The following DNAJC1 variants were observed in gnomAD, a reference collection of about 807,000 sequenced individuals.
DNAJC1 encodes the protein DnaJ heat shock protein family (Hsp40) member C1.
DNAJC1 carries 58 observed loss-of-function variants against 76.6 expected under a neutral mutation model. The ratio of observed to expected loss-of-function variants is 0.76; its 90% CI spans 0.61 to 0.94. The LOEUF (loss-of-function observed/expected upper bound fraction) is 0.94. Ranked by LOEUF, DNAJC1 falls within the 40% of genes least tolerant of loss-of-function variation. The pLI, the probability that DNAJC1 is intolerant of heterozygous loss-of-function variation, is 0.00. For missense variants in DNAJC1, 689 were observed against 677.3 expected (o/e 1.02, Z -0.19); for synonymous variants, 258 against 267.9 (o/e 0.96, Z 0.36).
chr10:21,833,639 T>A (rs74893274), intron 8 of DNAJC1, among the ~76,000 whole-genome samples: 1 of 152,104 alleles, frequency 6.6e-6, no homozygotes, highest in South Asian at 2.1e-4. Context: ...ATCTACCAAA[T>A]GGAGTTGCTG....
chr10:21,959,083 G>C (rs1043002854), intron 1 of DNAJC1, among the ~76,000 whole-genome samples: 1 of 152,082 alleles, frequency 6.6e-6, no homozygotes, highest in African/African-American at 2.4e-5. Flanking sequence ...TATCCTGATA[G>C]TTTAACAGGA....
At chr10:21,768,559 A>G (rs1834329261) in intron 9 of DNAJC1, among the ~76,000 whole-genome samples, 4 of 152,224 alleles carry the variant, frequency 2.6e-5, no homozygotes, top group Admixed American at 2.0e-4. Context: ...AAGGCTCAGT[A>G]AATATTACCT....
intron 8 of DNAJC1, among the ~76,000 whole-genome samples, chr10:21,877,251 G>C (rs968739689): frequency 2.6e-5 from 4 of 151,528 alleles, no homozygotes; most frequent in Non-Finnish European, 5.9e-5. Context: ...TTCAGCCTGA[G>C]TGACAGAGTG....
chr10:21,780,304 A>G (rs1046714591), intron 9 of DNAJC1, among the ~76,000 whole-genome samples: 1 of 152,232 alleles, frequency 6.6e-6, no homozygotes. Context: ...CAGATTCACC[A>G]AAGTTGAAAT....
At chr10:21,834,539 A>G (rs1835418042) in intron 8 of DNAJC1, among the ~76,000 whole-genome samples, 1 of 152,240 alleles carries the variant, frequency 6.6e-6, no homozygotes, top group Non-Finnish European at 1.5e-5. Flanking sequence ...TCACCCTGGA[A>G]GCCCAAGGGG....
At chr10:22,001,117 A>G (rs148967798) in intron 1 of DNAJC1, among the ~76,000 whole-genome samples, 1 of 152,300 alleles carries the variant, frequency 6.6e-6, no homozygotes, top group East Asian at 1.9e-4. Flanking sequence ...TCAACTCCCA[A>G]TGCTTAAAAT....
intron 1 of DNAJC1, among the ~76,000 whole-genome samples, chr10:21,992,746 A>G (rs1838347026): frequency 6.6e-6 from 1 of 152,214 alleles, no homozygotes; most frequent in Admixed American, 6.5e-5. Flanking sequence ...GTAAAATATT[A>G]TCTTATCCCT....
At chr10:21,786,339 C>T (rs1180597210) in intron 9 of DNAJC1, among the ~76,000 whole-genome samples, 1 of 150,826 alleles carries the variant, frequency 6.6e-6, no homozygotes, top group Non-Finnish European at 1.5e-5. Flanking sequence ...TTTAATCTAA[C>T]ATTTGGGTGC....
At chr10:21,884,685 T>C (rs1025519817) in intron 7 of DNAJC1, among the ~76,000 whole-genome samples, 2 of 152,176 alleles carry the variant, frequency 1.3e-5, no homozygotes, top group African/African-American at 4.8e-5. Context: ...TGAATAATTA[T>C]TGATGATGCT....
At chr10:21,942,805 CAAAAA>C (rs540122534) in intron 1 of DNAJC1, among the ~76,000 whole-genome samples, 1 of 45,422 alleles carries the variant, frequency 2.2e-5, no homozygotes, top group South Asian at 7.3e-4. Context: ...GACTCCATCT[CAAAAA>C]AAAAAAAAAA....
At chr10:21,908,925 GC>G (rs1440097522) in intron 6 of DNAJC1, among the ~76,000 whole-genome samples, 16 of 150,880 alleles carry the variant, frequency 1.1e-4, no homozygotes, top group Non-Finnish European at 2.2e-4. Context: ...TCGCTGTGTC[GC>G]CCAGGCTGGA....
At chr10:21,812,616 G>T (rs1237722298) in intron 8 of DNAJC1, among the ~76,000 whole-genome samples, 3 of 151,872 alleles carry the variant, frequency 2.0e-5, no homozygotes, top group African/African-American at 7.3e-5. Flanking sequence ...TGCCCAGGCT[G>T]GAGCACAGTG....
At chr10:21,763,533 T>C (rs977059552) in intron 10 of DNAJC1, among the ~76,000 whole-genome samples, 1 of 150,634 alleles carries the variant, frequency 6.6e-6, no homozygotes, top group Non-Finnish European at 1.5e-5. Context: ...TTCCCTTTTG[T>C]ACTGTTTTAA....
At chr10:21,810,409 G>C (rs1360768358) in intron 8 of DNAJC1, among the ~76,000 whole-genome samples, 1 of 152,044 alleles carries the variant, frequency 6.6e-6, no homozygotes, top group Non-Finnish European at 1.5e-5. Context: ...GGGAGTTATT[G>C]AACATAATAT....
At chr10:21,912,005 G>C (rs1020006244) in intron 6 of DNAJC1, among the ~76,000 whole-genome samples, 1 of 152,066 alleles carries the variant, frequency 6.6e-6, no homozygotes, top group Non-Finnish European at 1.5e-5. Context: ...TGCAACTTAG[G>C]GTATTTTCTC....
intron 6 of DNAJC1, among the ~76,000 whole-genome samples, chr10:21,908,122 AAT>A (rs2131749451): frequency 9.1e-6 from 1 of 110,044 alleles, no homozygotes; most frequent in African/African-American, 3.7e-5. Context: ...ATATATATAT[AAT>A]ATATAATATA....
At chr10:21,866,315 CTT>C (rs1836001954) in intron 8 of DNAJC1, among the ~76,000 whole-genome samples, 1 of 151,636 alleles carries the variant, frequency 6.6e-6, no homozygotes, top group African/African-American at 2.4e-5. Flanking sequence ...AGCAGGCACA[CTT>C]AACATATAAG....
chr10:21,793,267 T>C (rs191502816), intron 9 of DNAJC1, among the ~76,000 whole-genome samples: 132 of 151,946 alleles, frequency 8.7e-4, no homozygotes, highest in African/African-American at 3.0e-3. Flanking sequence ...GATTGTGCCA[T>C]TGCTCTCCAG....
At chr10:21,929,813 T>C (rs987823380) in intron 1 of DNAJC1, among the ~76,000 whole-genome samples, 23 of 152,342 alleles carry the variant, frequency 1.5e-4, no homozygotes, top group African/African-American at 4.6e-4. Context: ...ATTACTTGTA[T>C]AGTTTAAATA....
Sources: allele counts gnomAD v4.1 joint callset (sites outside exome capture counted in the v4.1 genomes callset), GRCh38; gene constraint gnomAD v4.1.1; transcripts MANE v1.5; gene names NCBI Gene and HGNC (gene_info 2026-07-23, HGNC 2026-07-21).